The following LEMD3 variants were observed in gnomAD, a reference collection of about 807,000 sequenced individuals.
The protein encoded by LEMD3 is LEM domain containing 3.
LEMD3 carries 33 observed loss-of-function variants against 95.2 expected under a neutral mutation model. That is an observed-to-expected ratio of 0.35 (90% CI 0.26 to 0.46). The LOEUF (loss-of-function observed/expected upper bound fraction) is 0.46. LEMD3 is among the 20% of genes least tolerant of loss of function. The pLI is 1.00. For synonymous variants in LEMD3, 525 were observed against 474.6 expected, an observed-to-expected ratio of 1.11 and a Z score of -1.38; for missense variants, 1,210 against 1,192.8, an observed-to-expected ratio of 1.01 and a Z score of -0.21.
At position 65,238,828 on chromosome 12, in the gene LEMD3, A is replaced by G. The variant is rs1180087832; in HGVS notation, c.1921+14A>G. 9 of 1,613,496 alleles carry G rather than the reference A, an allele frequency of 5.6e-6. No individual in the cohort carries two copies. The highest frequency in any genetic ancestry group is 1.3e-5 in the African/African-American group (1 of 74,910). On this transcript the variant is annotated intron_variant, in intron 6 of 12. Coordinates refer to ENST00000308330, the MANE Select transcript of LEMD3 (RefSeq NM_014319.5). ...TGTTATGCTTAGGTAAGTTGTAAAG[A>G]TAAGAAATGAGATAAATTGCAGCCT...
At chr12:65,190,210 CAAA>C (rs1869194997) in intron 1 of LEMD3, among the ~76,000 whole-genome samples, 1 of 152,014 alleles carries the variant, frequency 6.6e-6, no homozygotes, top group South Asian at 2.1e-4. Context: ...TACTGCAAAC[CAAA>C]AATAAAATTC....
intron 4 of LEMD3, among the ~76,000 whole-genome samples, chr12:65,219,668 T>A (rs2136341687): frequency 6.6e-6 from 1 of 152,324 alleles, no homozygotes; most frequent in East Asian, 1.9e-4. Context: ...CTTCTTCATC[T>A]TGTATGACTG....
At chr12:65,173,240 AATT>A (rs1310922072) in intron 1 of LEMD3, among the ~76,000 whole-genome samples, 1 of 152,196 alleles carries the variant, frequency 6.6e-6, no homozygotes, top group East Asian at 1.9e-4. Flanking sequence ...TTTCATACAG[AATT>A]ATTGATAAGC....
chr12:65,174,406 C>T (rs946562708), intron 1 of LEMD3, among the ~76,000 whole-genome samples: 1 of 152,066 alleles, frequency 6.6e-6, no homozygotes, highest in African/African-American at 2.4e-5. Flanking sequence ...CATTATAGCC[C>T]ACCAAACGAA....
intron 2 of LEMD3, 130 bp downstream of exon 2, chr12:65,211,093 TA>T (rs1019872169): frequency 2.7e-5 from 19 of 700,502 alleles, no homozygotes; most frequent in Admixed American, 1.5e-4. Context: ...TTTATCAACT[TA>T]AAAAAATAGT....
At chr12:65,187,655 A>C (rs1215176191) in intron 1 of LEMD3, among the ~76,000 whole-genome samples, 1 of 152,110 alleles carries the variant, frequency 6.6e-6, no homozygotes, top group African/African-American at 2.4e-5. Flanking sequence ...ACAGTGGTCC[A>C]TCAATCTTAA....
chr12:65,240,287 T>A, intron 8 of LEMD3, 49 bp downstream of exon 8: 1 of 1,307,472 alleles, frequency 7.6e-7, no homozygotes, highest in South Asian at 1.2e-5. Flanking sequence ...ATTTAAGTGC[T>A]TTCTGCAGTA....
chr12:65,169,744 G>A lies in LEMD3; in HGVS notation c.148G>A (p.Glu50Lys). ...GAAGCTGAAGAAGCTTCGAGAGGAA[G>A]AGCAGCAACAGCACCGGTCAGGGGG... ...LKKLKKLREE[E>K]QQQHRSGGRG... The change falls in exon 1 of 13, where the codon GAG (glutamate) becomes AAG (lysine). Residue 50 changes from glutamate (E) to lysine (K), a missense_variant. Glu to Lys is a moderately conservative substitution (Grantham distance 56, BLOSUM62 1). Around this residue, in one of 2 missense-constraint regions of LEMD3, gnomAD observed 749 missense variants for 622.9 expected, o/e 1.20. Transcript: ENST00000308330. 1 of 1,593,732 alleles carries A rather than the reference G, an allele frequency of 6.3e-7. No homozygotes were observed.
At chr12:65,233,170 T>G (rs942719633) in intron 4 of LEMD3, among the ~76,000 whole-genome samples, 6 of 152,164 alleles carry the variant, frequency 3.9e-5, no homozygotes, top group African/African-American at 1.4e-4. Flanking sequence ...AACTAGAGTA[T>G]CCAGCTACTA....
In LEMD3 at chr12:65,169,881, G is replaced by C; in HGVS notation, c.285G>C (p.Ser95=). 1.4e-6 allele frequency: 2 copies of C among 1,452,156 alleles called. No homozygotes were observed. The highest frequency in any genetic ancestry group is 1.4e-5 in the African/African-American group (1 of 69,074). 90.0% of individuals were successfully genotyped at this position (1,452,156 alleles called of 1,614,324 possible). A position where few individuals can be genotyped will look rare whatever the true frequency, so the allele number is the denominator to read the frequency against. The part of the protein sequence containing the change: ...AAAGMGVRPV[S]GDLSYLRTPG... Reference sequence around the variant, plus strand: ...CGGGGATGGGGGTCCGGCCGGTCTCGGGCGACCTCTCCTACTTACGGACTC... The same window carrying C: ...CGGGGATGGGGGTCCGGCCGGTCTCCGGCGACCTCTCCTACTTACGGACTC... Residue 95 remains serine, a synonymous_variant, in exon 1 of 13, where the codon TCG becomes TCC. Transcript: ENST00000308330.
At chr12:65,242,667 C>CTGT (rs1241021734) in intron 9 of LEMD3, among the ~76,000 whole-genome samples, 1 of 152,182 alleles carries the variant, frequency 6.6e-6, no homozygotes, top group Non-Finnish European at 1.5e-5. Flanking sequence ...GTCACTTGCA[C>CTGT]TGTTGGCCTG....
chr12:65,239,659 T>A (rs1870873070), intron 6 of LEMD3, among the ~76,000 whole-genome samples: 1 of 152,174 alleles, frequency 6.6e-6, no homozygotes, highest in Admixed American at 6.5e-5. Context: ...GAAAAAAGTT[T>A]GTGAAACATA....
At chr12:65,182,090 T>G (rs936112505) in intron 1 of LEMD3, among the ~76,000 whole-genome samples, 1 of 152,166 alleles carries the variant, frequency 6.6e-6, no homozygotes, top group Admixed American at 6.5e-5. Context: ...AAGTGATTTG[T>G]CCAAGGTCCC....
chr12:65,180,126 A>T (rs552412271), intron 1 of LEMD3, among the ~76,000 whole-genome samples: 1 of 151,778 alleles, frequency 6.6e-6, no homozygotes, highest in Non-Finnish European at 1.5e-5. Flanking sequence ...TGTATTTTTT[A>T]GTAGAGATGA....
At chr12:65,211,014 A>G in intron 2 of LEMD3, 51 bp downstream of exon 2, 1 of 1,328,552 alleles carries the variant, frequency 7.5e-7, no homozygotes, top group Non-Finnish European at 1.1e-6. Context: ...TTTATATGAT[A>G]AAAGCATGAG....
At chr12:65,238,891 G>T in intron 6 of LEMD3, 77 bp downstream of exon 6, 2 of 1,450,772 alleles carry the variant, frequency 1.4e-6, no homozygotes, top group Non-Finnish European at 9.7e-7. Flanking sequence ...CCAGAGTTGA[G>T]AATTCATTTT....
In LEMD3 at chr12:65,206,734, T is replaced by C. The variant is rs1371193498; in HGVS notation, c.1523-4192T>C. On this transcript the variant is annotated intron_variant, in intron 1 of 12. Coordinates refer to ENST00000308330, the MANE Select transcript of LEMD3 (RefSeq NM_014319.5). ...TTCCCTAGACTACAATTGGAGAATT[T>C]GTTTTGAAGAGAATTTTTTTCCTCA... 4.6e-5 allele frequency among the ~76,000 whole-genome samples: 7 copies of C among 152,098 alleles called. No homozygotes were observed. In the East Asian group the frequency reaches 7.7e-4, roughly 17 times the overall value.
At chr12:65,219,285 G>A (rs1481564100) in intron 4 of LEMD3, among the ~76,000 whole-genome samples, 1 of 152,138 alleles carries the variant, frequency 6.6e-6, no homozygotes, top group Non-Finnish European at 1.5e-5. Flanking sequence ...AGAACTTGCT[G>A]TTGAATTTTC....
chr12:65,212,536 CAAAA>C (rs35873080), intron 2 of LEMD3, among the ~76,000 whole-genome samples: 2 of 103,444 alleles, frequency 1.9e-5, no homozygotes, highest in Non-Finnish European at 1.9e-5. Flanking sequence ...GACTCCATCT[CAAAA>C]AAAAAAAAAA....
Sources: allele counts gnomAD v4.1 joint callset (sites outside exome capture counted in the v4.1 genomes callset), GRCh38; gene constraint gnomAD v4.1.1; regional missense constraint gnomAD v4.1.1; transcripts MANE v1.5; gene names NCBI Gene and HGNC (gene_info 2026-07-23, HGNC 2026-07-21).